SPOCK3: variants seen among roughly 807,000 people sequenced by gnomAD.
SPOCK3 encodes testican-3.
In SPOCK3, 30 loss-of-function variants were observed where a neutral mutation model predicts 56.6. The observed-to-expected ratio is 0.53, with a 90% CI of 0.40 to 0.72. SPOCK3 has a LOEUF of 0.72. SPOCK3 is among the 30% of genes least tolerant of loss of function. The probability of loss-of-function intolerance (pLI) is 0.00; values close to 1 mark genes in which losing one functional copy is unlikely to be tolerated. For missense variants in SPOCK3, 527 were observed against 530.0 expected (o/e 0.99, Z 0.06); for synonymous variants, 196 against 183.3 (o/e 1.07, Z -0.56).
At chr4:167,050,752 C>T (rs1754125123) in intron 3 of SPOCK3, among the ~76,000 whole-genome samples, 1 of 152,132 alleles carries the variant, frequency 6.6e-6, no homozygotes, top group Non-Finnish European at 1.5e-5. Context: ...TACAACATGG[C>T]TGAGCCTTGA....
At chr4:167,093,029 A>C (rs1488614373) in intron 2 of SPOCK3, among the ~76,000 whole-genome samples, 1 of 152,144 alleles carries the variant, frequency 6.6e-6, no homozygotes, top group Non-Finnish European at 1.5e-5. Context: ...AATAATTTTG[A>C]ATGATTAAGT....
chr4:167,110,338 G>T (rs1362559005), intron 2 of SPOCK3, among the ~76,000 whole-genome samples: 3 of 151,990 alleles, frequency 2.0e-5, no homozygotes, highest in African/African-American at 7.2e-5. Context: ...GAAAGAAAAA[G>T]AAATAAATAA....
chr4:166,752,884 C>G (rs1405031017), intron 8 of SPOCK3, among the ~76,000 whole-genome samples: 3 of 151,864 alleles, frequency 2.0e-5, no homozygotes, highest in Non-Finnish European at 4.4e-5. Flanking sequence ...ATTGTATAAG[C>G]TCTTTTACTA....
chr4:167,205,558 A>ATATATATTATATAATATAT (rs1561322875), intron 2 of SPOCK3, among the ~76,000 whole-genome samples: 7 of 56,038 alleles, frequency 1.2e-4, no homozygotes, highest in East Asian at 1.1e-3. Context: ...ATAATATATA[A>ATATATATTATATAATATAT]TATATATTAT....
intron 6 of SPOCK3, among the ~76,000 whole-genome samples, chr4:166,850,614 C>T (rs879636499): frequency 6.6e-5 from 10 of 152,184 alleles, no homozygotes; most frequent in Non-Finnish European, 1.2e-4. Flanking sequence ...GTGCGTGCAC[C>T]GTGCGCGAGC....
intron 4 of SPOCK3, among the ~76,000 whole-genome samples, chr4:166,928,223 T>C (rs1291983815): frequency 6.6e-6 from 1 of 152,170 alleles, no homozygotes; most frequent in Admixed American, 6.5e-5. Flanking sequence ...ATTATACTCA[T>C]TGGTATGTAC....
intron 4 of SPOCK3, among the ~76,000 whole-genome samples, chr4:166,932,749 T>C (rs567746656): frequency 3.3e-5 from 5 of 152,304 alleles, no homozygotes; most frequent in Non-Finnish European, 4.4e-5. Context: ...GGTAAGTAGA[T>C]AGATAAATAG....
chr4:166,852,480 G>T (rs554577758), intron 6 of SPOCK3, among the ~76,000 whole-genome samples: 8 of 151,924 alleles, frequency 5.3e-5, no homozygotes, highest in Admixed American at 5.2e-4. Flanking sequence ...AAACAGAAAC[G>T]AACCCTTTGG....
intron 4 of SPOCK3, among the ~76,000 whole-genome samples, chr4:166,969,070 T>G (rs1416581213): frequency 2.6e-5 from 4 of 152,226 alleles, no homozygotes; most frequent in African/African-American, 4.8e-5. Flanking sequence ...TGTAGCCCCT[T>G]TCTTTTGGCT....
chr4:166,742,220 A>C (rs1342555985), intron 8 of SPOCK3, among the ~76,000 whole-genome samples, 161 bp from the exon 9 acceptor site: 1 of 135,206 alleles, frequency 7.4e-6, no homozygotes, highest in Non-Finnish European at 1.6e-5. Flanking sequence ...AGGTACATAC[A>C]TGTGTCTATC....
At chr4:167,189,975 G>T (rs534525770) in intron 2 of SPOCK3, among the ~76,000 whole-genome samples, 4 of 145,334 alleles carry the variant, frequency 2.8e-5, no homozygotes, top group Non-Finnish European at 6.0e-5. Flanking sequence ...TCCTCTTTTT[G>T]GCTGAATAAT....
chr4:167,147,776 A>G (rs1764089641), intron 2 of SPOCK3, among the ~76,000 whole-genome samples: 1 of 152,114 alleles, frequency 6.6e-6, no homozygotes, highest in Admixed American at 6.5e-5. Context: ...ACATGGACAC[A>G]GGGTGGGGAA....
intron 8 of SPOCK3, among the ~76,000 whole-genome samples, chr4:166,745,141 C>T (rs1163913895): frequency 6.6e-6 from 1 of 152,032 alleles, no homozygotes; most frequent in East Asian, 1.9e-4. Flanking sequence ...CAGAGAACAC[C>T]ACAAAGACAT....
chr4:167,030,098 TATCTATC>T (rs763733385), intron 3 of SPOCK3, among the ~76,000 whole-genome samples: 21 of 151,142 alleles, frequency 1.4e-4, no homozygotes, highest in Non-Finnish European at 2.4e-4. Flanking sequence ...TCTATCTATC[TATCTATC>T]TATCTATCTA....
intron 2 of SPOCK3, among the ~76,000 whole-genome samples, chr4:167,168,514 T>C (rs1485163013): frequency 6.6e-6 from 1 of 152,082 alleles, no homozygotes; most frequent in Non-Finnish European, 1.5e-5. Context: ...AGAGTAAATG[T>C]CACTCTGTCT....
At chr4:166,903,336 C>G (rs1191942173) in intron 5 of SPOCK3, among the ~76,000 whole-genome samples, 1 of 151,818 alleles carries the variant, frequency 6.6e-6, no homozygotes, top group African/African-American at 2.4e-5. Context: ...ATGTTCTCAG[C>G]TTTGGGCTTG....
chr4:166,738,014 T>C (rs1734391845), intron 9 of SPOCK3, among the ~76,000 whole-genome samples: 1 of 152,212 alleles, frequency 6.6e-6, no homozygotes, highest in South Asian at 2.1e-4. Flanking sequence ...CTTTCTACTT[T>C]CATTTCCCCA....
chr4:166,735,031 C>A lies in SPOCK3; in HGVS notation c.1192G>T (p.Asp398Tyr). ...ATAATATCGTCTTCATCATCCTCAT[C>A]ATCAGTCCATTCATGAAAATCGCCA... The part of the protein sequence containing the change: ...ASGDFHEWTD[D>Y]EDDEDDIMND... The change falls in exon 11 of 11, where the codon GAT (aspartate) becomes TAT (tyrosine). Residue 398 changes from aspartate (D) to tyrosine (Y), a missense_variant. Asp to Tyr is a radical substitution (Grantham distance 160). Transcript: ENST00000357545. 1 of 1,589,608 alleles carries A rather than the reference C, an allele frequency of 6.3e-7. No individual in the cohort carries two copies. Among genetic ancestry groups the A allele is most frequent in the Non-Finnish European group, 8.6e-7 (1 of 1,158,846 alleles).
chr4:167,076,162 C>T (rs1757163004), intron 2 of SPOCK3, among the ~76,000 whole-genome samples: 1 of 151,794 alleles, frequency 6.6e-6, no homozygotes, highest in African/African-American at 2.4e-5. Flanking sequence ...AAGAATGAGG[C>T]AGAGCCCAGA....
Sources: allele counts gnomAD v4.1 joint callset (sites outside exome capture counted in the v4.1 genomes callset), GRCh38; gene constraint gnomAD v4.1.1; transcripts MANE v1.5; gene names NCBI Gene and HGNC (gene_info 2026-07-23, HGNC 2026-07-21).